FBXW2: variants seen among roughly 807,000 people sequenced by gnomAD.
FBXW2 encodes F-box/WD repeat-containing protein 2.
Under a neutral mutation model 46.0 loss-of-function variants are expected in FBXW2, and 12 were observed. The observed-to-expected ratio is 0.26, with a 90% confidence interval of 0.17 to 0.42. The LOEUF is 0.42. Ranked by LOEUF, FBXW2 falls within the 10% of genes least tolerant of loss-of-function variation. The pLI, the probability that FBXW2 is intolerant of heterozygous loss-of-function variation, is 1.00. For missense variants in FBXW2, 360 were observed against 537.0 expected, an observed-to-expected ratio of 0.67 and a Z score of 3.26; for synonymous variants, 203 against 209.6, an observed-to-expected ratio of 0.97 and a Z score of 0.27.
chr9:120,773,340 A>C (rs2131311407), intron 5 of FBXW2, among the ~76,000 whole-genome samples: 1 of 152,352 alleles, frequency 6.6e-6, no homozygotes, highest in South Asian at 2.1e-4. Context: ...ACGTAGATGC[A>C]AATGATCTGC....
intron 3 of FBXW2, among the ~76,000 whole-genome samples, chr9:120,779,226 T>C (rs753297682): frequency 6.6e-6 from 1 of 152,238 alleles, no homozygotes; most frequent in African/African-American, 2.4e-5. Context: ...GAAAATTCTA[T>C]ACTAATCATG....
chr9:120,777,443 T>C (rs2044520950), intron 4 of FBXW2, among the ~76,000 whole-genome samples: 1 of 152,194 alleles, frequency 6.6e-6, no homozygotes. Context: ...ACAAGACAGA[T>C]AAGATCACTG....
intron 3 of FBXW2, among the ~76,000 whole-genome samples, chr9:120,784,597 C>A (rs1234154241): frequency 2.6e-5 from 4 of 151,230 alleles, no homozygotes; most frequent in Non-Finnish European, 5.9e-5. Context: ...ATGGAGCTAC[C>A]CAGTGAGAGG....
In FBXW2 at chr9:120,784,293, T is replaced by G. The variant is rs76070175; in HGVS notation, c.490+3476A>C. Among the ~76,000 whole-genome samples the G allele has an allele frequency of 5.5e-3, 837 of 152,206 alleles. 10 individuals carry two copies. Among genetic ancestry groups the G allele is most frequent in the African/African-American group, 0.019 (789 of 41,514 alleles). ...TTTTACTACATTTCAAAAATAAGGT[T>G]TGATGAGAGAAGAAAAAAACTTTTT... is the stretch of plus-strand genomic sequence containing the variant. On this transcript the variant is annotated intron_variant, in intron 3 of 7. Coordinates refer to ENST00000608872, the MANE Select transcript of FBXW2 (RefSeq NM_012164.4).
In FBXW2 at chr9:120,764,756, T is replaced by C. The variant is rs1372805911; in HGVS notation, c.1168A>G (p.Met390Val). The change falls in exon 8 of 8, where the codon ATG becomes GTG. Residue 390 changes from methionine to valine, a missense_variant. Met to Val is a conservative substitution (Grantham distance 21, BLOSUM62 1). Coordinates refer to ENST00000608872, the MANE Select transcript of FBXW2 (RefSeq NM_012164.4). ...LLFDNRYLYI[M>V]DLRTESLISR... ...ATCAGGCTCTCTGTCCGCAAGTCCA[T>C]GATGTACAGGTAGCGGTTGTCAAAC... is the stretch of plus-strand genomic sequence containing the variant. The C allele has an allele frequency of 3.7e-6, 6 of 1,614,026 alleles. No homozygotes were observed. The highest frequency in any genetic ancestry group is 5.1e-6 in the Non-Finnish European group (6 of 1,180,012).
In FBXW2 at chr9:120,764,107, G is replaced by A. The variant is rs111842370; in HGVS notation, c.*452C>T. On this transcript the variant is annotated 3_prime_UTR_variant, in exon 8 of 8. Coordinates refer to ENST00000608872, the MANE Select transcript of FBXW2 (RefSeq NM_012164.4). ...CTGGCTCTTATAAGAGCTAAACCCC[G>A]TGTGAGGAAAGTTGCTGTAACAACA... 31 of 305,818 alleles carry A rather than the reference G, an allele frequency of 1.0e-4. No homozygotes were observed. In the East Asian group the frequency reaches 1.4e-3, roughly 14 times the overall value. The allele number at this position is 305,818 out of a possible 1,614,324, so 18.9% of individuals were successfully genotyped here. A position where few individuals can be genotyped will look rare whatever the true frequency, so the allele number is the denominator to read the frequency against.
chr9:120,772,634 T>C (rs1269527393), intron 6 of FBXW2, 120 bp downstream of exon 6: 2 of 595,624 alleles, frequency 3.4e-6, no homozygotes, highest in Non-Finnish European at 5.7e-6. Flanking sequence ...TTAAAATGGC[T>C]TGGACTAAGA....
rs377317343 is a variant in FBXW2 at position 120,790,256 on chromosome 9, G to A, written c.-20-1978C>T. Among the ~76,000 whole-genome samples the A allele has an allele frequency of 8.7e-4, 132 of 152,224 alleles. 2 individuals carry two copies. The highest frequency in any genetic ancestry group is 2.8e-3 in the African/African-American group (117 of 41,526). ...CACTTTGTGAGACTGAGGTGGGCTC[G>A]GCCGGATCACGAGGTCAGGAGATCG... On this transcript the variant is annotated intron_variant, in intron 2 of 7. Coordinates refer to ENST00000608872, the MANE Select transcript of FBXW2 (RefSeq NM_012164.4).
chr9:120,758,584 C>A lies in FBXW2; in HGVS notation c.*5975G>T, dbSNP rs1481349570. 1 of 152,212 alleles carries A rather than the reference C, an allele frequency of 6.6e-6. No homozygotes were observed. Among genetic ancestry groups the A allele is most frequent in the African/African-American group, 2.4e-5 (1 of 41,414 alleles). 9.4% of individuals were successfully genotyped at this position (152,212 alleles called of 1,614,324 possible). A position where few individuals can be genotyped will look rare whatever the true frequency, so the allele number is the denominator to read the frequency against. On this transcript the variant is annotated 3_prime_UTR_variant, in exon 8 of 8. Coordinates refer to ENST00000608872, the MANE Select transcript of FBXW2 (RefSeq NM_012164.4). ...GAAGAGACTTGAAATACAGAAAGAA[C>A]AGACAAACATGAAAACATGGAAAAA...
At position 120,787,619 on chromosome 9, in the gene FBXW2, G is replaced by A. The variant is rs185550127; in HGVS notation, c.490+150C>T. On this transcript the variant is annotated intron_variant, in intron 3 of 7. Transcript: ENST00000608872. ...CTCTAGAGAGAAGGAAGAGGATAAG[G>A]GGGGGGAACCACTCAGGATTAGAGA... The A allele has an allele frequency of 4.3e-6, 3 of 699,350 alleles. No individual in the cohort carries two copies. In the South Asian group the frequency reaches 6.8e-5, roughly 16 times the overall value. The allele number at this position is 699,350 out of a possible 1,614,324, so 43.3% of individuals were successfully genotyped here.
chr9:120,759,912 G>A lies in FBXW2; in HGVS notation c.*4647C>T, dbSNP rs1310071550. The A allele has an allele frequency of 1.3e-5, 2 of 152,216 alleles. No individual in the cohort carries two copies. The highest frequency in any genetic ancestry group is 2.9e-5 in the Non-Finnish European group (2 of 68,042). The allele number at this position is 152,216 out of a possible 1,614,324, so 9.4% of individuals were successfully genotyped here. A position where few individuals can be genotyped will look rare whatever the true frequency, so the allele number is the denominator to read the frequency against. On this transcript the variant is annotated 3_prime_UTR_variant, in exon 8 of 8. Coordinates refer to ENST00000608872, the MANE Select transcript of FBXW2 (RefSeq NM_012164.4). ...GACCATTCAGTCTGATTAGGCTGATGGGAATGGTGCAAAGACTACTCAGTA... is the reference window on the plus strand; with the variant it reads ...GACCATTCAGTCTGATTAGGCTGATAGGAATGGTGCAAAGACTACTCAGTA...
chr9:120,792,330 C>T (rs368469247), intron 2 of FBXW2: 75 of 149,336 alleles, frequency 5.0e-4, no homozygotes, highest in African/African-American at 1.7e-3. Context: ...GGGAAGGAGG[C>T]TTCATTTCCC....
At chr9:120,777,341 A>G (rs368894548) in intron 4 of FBXW2, among the ~76,000 whole-genome samples, 2 of 152,266 alleles carry the variant, frequency 1.3e-5, no homozygotes, top group East Asian at 1.9e-4. Flanking sequence ...TGAAGCAAAA[A>G]ATACGTGTTT....
chr9:120,772,060 GAAAAAAAAAAA>G (rs59520792), intron 6 of FBXW2, among the ~76,000 whole-genome samples: 3 of 51,302 alleles, frequency 5.8e-5, no homozygotes, highest in Admixed American at 2.4e-4. Flanking sequence ...CCCTGTCTCA[GAAAAAAAAAAA>G]AAAAAAAAAA....
intron 2 of FBXW2, chr9:120,792,744 A>C (rs1394427780): frequency 3.7e-6 from 2 of 535,702 alleles, no homozygotes; most frequent in African/African-American, 4.0e-5. Context: ...GGTTTTTATG[A>C]GGGTTAAACA....
At chr9:120,778,761 G>C (rs912156967) in intron 3 of FBXW2, among the ~76,000 whole-genome samples, 12 of 152,156 alleles carry the variant, frequency 7.9e-5, no homozygotes, top group African/African-American at 2.9e-4. Context: ...CAAGCTTTTT[G>C]GGTGAGACAC....
intron 2 of FBXW2, among the ~76,000 whole-genome samples, chr9:120,791,120 G>A (rs1000767688): frequency 6.6e-6 from 1 of 152,172 alleles, no homozygotes; most frequent in East Asian, 1.9e-4. Flanking sequence ...TTTCTGAACA[G>A]ATCAACTAAC....
At chr9:120,778,163 A>G (rs1219903870) in intron 4 of FBXW2, among the ~76,000 whole-genome samples, 188 bp downstream of exon 4, 1 of 152,150 alleles carries the variant, frequency 6.6e-6, no homozygotes, top group Non-Finnish European at 1.5e-5. Flanking sequence ...AGAAAGCAAG[A>G]AAAAGCAAAA....
chr9:120,790,819 AT>A (rs199613154), intron 2 of FBXW2, among the ~76,000 whole-genome samples: 1 of 152,216 alleles, frequency 6.6e-6, no homozygotes, highest in African/African-American at 2.4e-5. Flanking sequence ...TAGAACTTAA[AT>A]TTAAAAAAAA....
Sources: gnomAD v4.1 joint callset for allele counts (sites outside exome capture counted in the v4.1 genomes callset) on GRCh38, gnomAD v4.1.1 for gene constraint, MANE v1.5 for transcripts, NCBI Gene and HGNC (gene_info 2026-07-23, HGNC 2026-07-21) for gene names.